Variants in SLIT2 observed in about 807,000 individuals in gnomAD.
The protein encoded by SLIT2 is slit guidance ligand 2, also known as slit homolog 2 protein.
A neutral mutation model predicts 185.7 loss-of-function variants in SLIT2; 41 were observed. That is an observed-to-expected ratio of 0.22 (90% CI 0.17 to 0.29). SLIT2 has a LOEUF of 0.29. Among genes scored for constraint, SLIT2 ranks in the 10% least tolerant of loss-of-function variants. The probability of loss-of-function intolerance (pLI) is 1.00; values close to 1 mark genes in which losing one functional copy is unlikely to be tolerated. For synonymous variants in SLIT2, 693 were observed against 680.2 expected (o/e 1.02, Z -0.29); for missense variants, 1,571 against 1,909.0 (o/e 0.82, Z 3.30).
At chr4:20,581,096 A>T (rs2148934717) in intron 29 of SLIT2, among the ~76,000 whole-genome samples, 1 of 152,324 alleles carries the variant, frequency 6.6e-6, no homozygotes, top group Non-Finnish European at 1.5e-5. Context: ...TGGAGGCTTA[A>T]ACAACAGAGT....
chr4:20,424,032 T>C (rs2109474330), intron 4 of SLIT2, among the ~76,000 whole-genome samples: 1 of 152,264 alleles, frequency 6.6e-6, no homozygotes, highest in Admixed American at 6.5e-5. Flanking sequence ...TTTAGATTGC[T>C]TCATAAAATT....
intron 4 of SLIT2, among the ~76,000 whole-genome samples, chr4:20,356,865 C>CA (rs1722369147): frequency 6.6e-6 from 1 of 152,114 alleles, no homozygotes; most frequent in Non-Finnish European, 1.5e-5. Context: ...GGACTCCAGC[C>CA]ACTGGTGTTT....
chr4:20,569,114 G>C (rs1395599914), intron 29 of SLIT2, 110 bp downstream of exon 29: 1 of 921,132 alleles, frequency 1.1e-6, no homozygotes, highest in Non-Finnish European at 1.7e-6. Context: ...ATAAATGGTA[G>C]GTGTCTTGAA....
intron 4 of SLIT2, among the ~76,000 whole-genome samples, chr4:20,368,219 C>CAAAAAAAAAAAAAAAAAAAAAAAAAAAAA (rs71653879): frequency 5.6e-5 from 6 of 107,422 alleles, no homozygotes; most frequent in Non-Finnish European, 9.3e-5. Flanking sequence ...CACAAAATAG[C>CAAAAAAAAAAAAAAAAAAAAAAAAAAAAA]AAAAAAAAAA....
intron 7 of SLIT2, among the ~76,000 whole-genome samples, chr4:20,487,915 G>T (rs1023547767): frequency 6.6e-6 from 1 of 152,164 alleles, no homozygotes; most frequent in African/African-American, 2.4e-5. Flanking sequence ...TATTGGGTTA[G>T]AATTGAACAC....
intron 4 of SLIT2, among the ~76,000 whole-genome samples, chr4:20,316,676 T>A (rs1337032787): frequency 6.6e-6 from 1 of 151,586 alleles, no homozygotes; most frequent in Non-Finnish European, 1.5e-5. Context: ...TTGTAGTGTA[T>A]CTATATACTC....
intron 21 of SLIT2, among the ~76,000 whole-genome samples, chr4:20,544,860 T>C (rs983844604): frequency 2.6e-5 from 4 of 151,958 alleles, no homozygotes; most frequent in African/African-American, 9.7e-5. Flanking sequence ...TGCTGAACTA[T>C]ATAGGGTGAT....
At chr4:20,455,881 G>T (rs1373864590) in intron 4 of SLIT2, among the ~76,000 whole-genome samples, 1 of 152,080 alleles carries the variant, frequency 6.6e-6, no homozygotes, top group Non-Finnish European at 1.5e-5. Context: ...ATGTTTTACA[G>T]TTTTATTTAT....
intron 18 of SLIT2, among the ~76,000 whole-genome samples, chr4:20,534,560 A>G (rs755610685): frequency 2.0e-4 from 31 of 152,214 alleles, no homozygotes; most frequent in Non-Finnish European, 3.8e-4. Flanking sequence ...CAAAAGTGGT[A>G]GCCTAAAAAT....
In SLIT2 at chr4:20,554,068, C is replaced by CCAGTAA. The variant is rs1303302194; in HGVS notation, c.2725+101_2725+106dup. On this transcript the variant is annotated intron_variant, in intron 26 of 36. Coordinates refer to ENST00000504154, the MANE Select transcript of SLIT2 (RefSeq NM_004787.4). ...CAATCCAAAGGTATGGTTGAAATGCCCAGTAAATGATTATTTTTTCAGCCC... is the reference window on the plus strand; with the variant it reads ...CAATCCAAAGGTATGGTTGAAATGCCCAGTAACAGTAAATGATTATTTTTTCAGCCC... The CCAGTAA allele has an allele frequency of 4.2e-6, 4 of 958,586 alleles. No individual in the cohort carries two copies. In the African/African-American group the frequency reaches 6.7e-5, roughly 16 times the overall value. 59.4% of individuals were successfully genotyped at this position (958,586 alleles called of 1,614,324 possible).
chr4:20,493,179 G>T (rs1236326776), intron 9 of SLIT2, among the ~76,000 whole-genome samples: 1 of 152,130 alleles, frequency 6.6e-6, no homozygotes, highest in East Asian at 1.9e-4. Context: ...AGTAAGCATT[G>T]TTTGAGAGAT....
intron 4 of SLIT2, among the ~76,000 whole-genome samples, chr4:20,302,427 G>C (rs935904329): frequency 4.6e-5 from 7 of 152,116 alleles, no homozygotes; most frequent in Non-Finnish European, 8.8e-5. Flanking sequence ...TACATGCCAG[G>C]CAATGGGGGA....
At position 20,568,867 on chromosome 4, in the gene SLIT2, G is replaced by A. The variant is rs1231386131; in HGVS notation, c.2951G>A (p.Cys984Tyr). 3.7e-6 allele frequency: 6 copies of A among 1,611,918 alleles called. No homozygotes were observed. Among genetic ancestry groups the A allele is most frequent in the Non-Finnish European group, 2.5e-6 (3 of 1,178,448 alleles). ...LKEGEEDGFW[C>Y]ICADGFEGEN... ...GCCTTTTCTCCTCTGGCATTCAGGTGTATTTGTGCTGATGGATTTGAAGGA... is the reference window on the plus strand; with the variant it reads ...GCCTTTTCTCCTCTGGCATTCAGGTATATTTGTGCTGATGGATTTGAAGGA... Residue 984 changes from cysteine (C) to tyrosine (Y), a missense_variant and splice_region_variant, in exon 29 of 37, where the codon TGT (cysteine) becomes TAT (tyrosine). This residue lies in a region of SLIT2 where 1,202 missense variants were observed against 1,416.4 expected (regional missense o/e 0.85). Transcript: ENST00000504154.
intron 6 of SLIT2, among the ~76,000 whole-genome samples, chr4:20,481,560 T>G (rs1336163448): frequency 6.6e-6 from 1 of 152,154 alleles, no homozygotes; most frequent in Non-Finnish European, 1.5e-5. Context: ...AATTAAAATA[T>G]TTTTCTCTGC....
At chr4:20,512,618 T>C (rs1439561955) in intron 11 of SLIT2, among the ~76,000 whole-genome samples, 1 of 152,130 alleles carries the variant, frequency 6.6e-6, no homozygotes, top group Admixed American at 6.5e-5. Context: ...GATCACCCAG[T>C]CAGATTGTCC....
In SLIT2 at chr4:20,556,078, A is replaced by G. The variant is rs892575643; in HGVS notation, c.2725+2110A>G. Among the ~76,000 whole-genome samples the G allele has an allele frequency of 5.9e-5, 9 of 152,140 alleles. No individual in the cohort carries two copies. In the South Asian group the frequency reaches 8.3e-4, roughly 14 times the overall value. On this transcript the variant is annotated intron_variant, in intron 26 of 36. Transcript: ENST00000504154. ...TATTTATCAATATTTTATTTTATTT[A>G]AAGTTGAAAGTGAAATTTTATTGCA...
At position 20,618,901 on chromosome 4, in the gene SLIT2, G is replaced by A. The variant is rs763687239; in HGVS notation, c.4482G>A (p.Pro1494=). 67 of 1,613,996 alleles carry A rather than the reference G, an allele frequency of 4.2e-5. No homozygotes were observed. The highest frequency in any genetic ancestry group is 1.6e-4 in the Middle Eastern group (1 of 6,084). Residue 1494 remains proline, a synonymous_variant, in exon 37 of 37, where the codon CCG becomes CCA. Coordinates refer to ENST00000504154, the MANE Select transcript of SLIT2 (RefSeq NM_004787.4). ...GGCAGGQCCG[P]LRSKRRKYSF... is the part of the protein sequence containing the mutation. ...GTGCAGGAGGGCAGTGCTGTGGACC[G>A]CTGAGGAGCAAGCGGCGGAAATACT... is the stretch of plus-strand genomic sequence containing the variant.
intron 4 of SLIT2, among the ~76,000 whole-genome samples, chr4:20,359,760 A>G (rs1219967216): frequency 1.3e-5 from 2 of 152,080 alleles, no homozygotes; most frequent in East Asian, 3.9e-4. Context: ...ATGAGTACAA[A>G]TGTGGGGGAA....
At chr4:20,479,433 G>A (rs1379753960) in intron 5 of SLIT2, among the ~76,000 whole-genome samples, 1 of 152,086 alleles carries the variant, frequency 6.6e-6, no homozygotes, top group Non-Finnish European at 1.5e-5. Flanking sequence ...AACGAGGACA[G>A]GATGCATTTG....
Sources: gnomAD v4.1 joint callset for allele counts (sites outside exome capture counted in the v4.1 genomes callset) on GRCh38, gnomAD v4.1.1 for gene constraint, gnomAD v4.1.1 regional missense constraint, MANE v1.5 for transcripts, NCBI Gene and HGNC (gene_info 2026-07-23, HGNC 2026-07-21) for gene names.